The following PAN3 variants were observed in gnomAD, a reference collection of about 807,000 sequenced individuals.
PAN3 encodes the protein PAN2-PAN3 deadenylation complex subunit PAN3.
PAN3 carries 19 observed loss-of-function variants against 96.2 expected under a neutral mutation model. The ratio of observed to expected loss-of-function variants is 0.20; its 90% confidence interval spans 0.14 to 0.29. The LOEUF is 0.29. PAN3 is among the 10% of genes least tolerant of loss of function. The pLI is 1.00. For missense variants in PAN3, 882 were observed against 1,108.1 expected (o/e 0.80, Z 2.90); for synonymous variants, 433 against 406.6 (o/e 1.06, Z -0.78).
chr13:28,171,721 A>G (rs918688443), intron 1 of PAN3, among the ~76,000 whole-genome samples: 6 of 152,146 alleles, frequency 3.9e-5, no homozygotes, highest in African/African-American at 1.4e-4. Context: ...CCGGCCCACA[A>G]ACTCCTTGAA....
At chr13:28,287,540 G>A (rs1241300589) in intron 17 of PAN3, among the ~76,000 whole-genome samples, 1 of 152,140 alleles carries the variant, frequency 6.6e-6, no homozygotes, top group Non-Finnish European at 1.5e-5. Flanking sequence ...TTCACAGCTT[G>A]TTTTCACATG....
chr13:28,235,678 AAT>A lies in PAN3; in HGVS notation c.1000+15304_1000+15305del, dbSNP rs1446263805. Among the ~76,000 whole-genome samples the A allele has an allele frequency of 4.0e-5, 5 of 123,606 alleles. No homozygotes were observed. The East Asian group carries it at 7.1e-4, about 18-fold the overall frequency. The allele number at this position is 123,606 out of a possible 152,430, so 81.1% of individuals were successfully genotyped here. A position where few individuals can be genotyped will look rare whatever the true frequency, so the allele number is the denominator to read the frequency against. On this transcript the variant is annotated intron_variant, in intron 6 of 18. Coordinates refer to ENST00000380958, the MANE Select transcript of PAN3 (RefSeq NM_175854.8). ...TTTTTTAGTATTTTTGTCTTTCTCT[AAT>A]ATACACACACACACATACACACACA...
At chr13:28,233,347 AC>A (rs1882776316) in intron 6 of PAN3, among the ~76,000 whole-genome samples, 1 of 151,374 alleles carries the variant, frequency 6.6e-6, no homozygotes, top group Non-Finnish European at 1.5e-5. Context: ...GCTCACTGCA[AC>A]CTTGGCCTCC....
chr13:28,144,035 T>A (rs1870223694), intron 1 of PAN3, among the ~76,000 whole-genome samples: 1 of 151,986 alleles, frequency 6.6e-6, no homozygotes, highest in South Asian at 2.1e-4. Context: ...CATGAAGGCT[T>A]TATAATACTG....
At chr13:28,183,539 GAC>G (rs1876072453) in intron 4 of PAN3, among the ~76,000 whole-genome samples, 1 of 152,218 alleles carries the variant, frequency 6.6e-6, no homozygotes, top group Non-Finnish European at 1.5e-5. Flanking sequence ...TTTGGAAACT[GAC>G]ACAGTTATTG....
At chr13:28,168,817 G>T (rs1044395700) in intron 1 of PAN3, among the ~76,000 whole-genome samples, 6 of 152,092 alleles carry the variant, frequency 3.9e-5, no homozygotes, top group African/African-American at 1.4e-4. Flanking sequence ...AGGAGATGGA[G>T]ACCATCCTGG....
chr13:28,291,047 A>G (rs2138772041), intron 18 of PAN3, among the ~76,000 whole-genome samples: 1 of 152,334 alleles, frequency 6.6e-6, no homozygotes, highest in South Asian at 2.1e-4. Context: ...CTAGTAGTAA[A>G]TAATACCCCA....
chr13:28,238,727 A>G (rs1047498784), intron 6 of PAN3, among the ~76,000 whole-genome samples: 6 of 152,210 alleles, frequency 3.9e-5, no homozygotes, highest in Non-Finnish European at 8.8e-5. Context: ...TCTAATTCAT[A>G]CAAAAGGAAA....
intron 5 of PAN3, among the ~76,000 whole-genome samples, chr13:28,217,038 C>CG (rs1283653517): frequency 6.6e-6 from 1 of 150,444 alleles, no homozygotes; most frequent in Non-Finnish European, 1.5e-5. Flanking sequence ...CACTTGAACC[C>CG]GGGGGGCAGA....
At chr13:28,139,187 C>T (rs1214738624) in intron 1 of PAN3, 100 bp downstream of exon 1, 4 of 1,180,054 alleles carry the variant, frequency 3.4e-6, no homozygotes, top group Admixed American at 8.5e-5. Context: ...CCCGCGGGCT[C>T]CCCCCCTCAC....
At chr13:28,238,863 T>C (rs2138486260) in intron 6 of PAN3, among the ~76,000 whole-genome samples, 1 of 152,232 alleles carries the variant, frequency 6.6e-6, no homozygotes, top group Middle Eastern at 3.4e-3. Context: ...AATGTTCCCT[T>C]GTTTTGTTAT....
chr13:28,247,414 G>C (rs1884303699), intron 6 of PAN3, among the ~76,000 whole-genome samples: 3 of 151,816 alleles, frequency 2.0e-5, no homozygotes, highest in South Asian at 4.2e-4. Context: ...TGTTTCTTTT[G>C]CGGTGCAGAT....
At chr13:28,261,537 T>C in intron 9 of PAN3, 79 bp downstream of exon 9, 1 of 1,321,000 alleles carries the variant, frequency 7.6e-7, no homozygotes, top group Non-Finnish European at 1.1e-6. Context: ...TATGCATTAT[T>C]AAGAAGAGTT....
chr13:28,192,267 A>G (rs1205635707), intron 4 of PAN3, among the ~76,000 whole-genome samples: 1 of 150,672 alleles, frequency 6.6e-6, no homozygotes, highest in Non-Finnish European at 1.5e-5. Flanking sequence ...ACAGGGTTTC[A>G]CCATGTTGGC....
intron 6 of PAN3, among the ~76,000 whole-genome samples, chr13:28,223,559 T>C (rs1409556231): frequency 6.6e-6 from 1 of 151,952 alleles, no homozygotes; most frequent in Non-Finnish European, 1.5e-5. Context: ...GTTTTTTTTT[T>C]TGTTTTTTGT....
At chr13:28,167,841 A>G (rs1001407382) in intron 1 of PAN3, among the ~76,000 whole-genome samples, 1 of 152,108 alleles carries the variant, frequency 6.6e-6, no homozygotes, top group African/African-American at 2.4e-5. Flanking sequence ...CCCTGCTTCA[A>G]AAAACAAAAC....
intron 5 of PAN3, chr13:28,215,011 G>A: frequency 8.0e-7 from 1 of 1,249,610 alleles, no homozygotes; most frequent in Non-Finnish European, 1.2e-6. Context: ...AGCCAGAAGA[G>A]ATATGAGGAA....
chr13:28,264,819 C>T (rs556015045), intron 9 of PAN3, among the ~76,000 whole-genome samples: 6 of 152,152 alleles, frequency 3.9e-5, no homozygotes, highest in East Asian at 3.9e-4. Flanking sequence ...ATCAGAAACT[C>T]GGGGAATGGG....
At chr13:28,217,587 C>CAAA (rs773189003) in intron 5 of PAN3, among the ~76,000 whole-genome samples, 8 of 108,266 alleles carry the variant, frequency 7.4e-5, no homozygotes, top group African/African-American at 2.1e-4. Context: ...TCTCAAAAAA[C>CAAA]AAAAAAAAAA....
Sources: allele counts gnomAD v4.1 joint callset (sites outside exome capture counted in the v4.1 genomes callset), GRCh38; gene constraint gnomAD v4.1.1; transcripts MANE v1.5; gene names NCBI Gene and HGNC (gene_info 2026-07-23, HGNC 2026-07-21).